Variants in FNBP1L observed in about 807,000 individuals in gnomAD.
The protein encoded by FNBP1L is formin-binding protein 1-like.
A neutral mutation model predicts 91.2 loss-of-function variants in FNBP1L; 36 were observed. The ratio of observed to expected loss-of-function variants is 0.39; its 90% confidence interval spans 0.30 to 0.52. FNBP1L has a LOEUF of 0.52. Ranked by LOEUF, FNBP1L falls within the 20% of genes least tolerant of loss-of-function variation. FNBP1L has a pLI of 0.66. For synonymous variants in FNBP1L, 242 were observed against 237.0 expected (o/e 1.02, Z -0.19); for missense variants, 571 against 732.1 (o/e 0.78, Z 2.54).
intron 1 of FNBP1L, among the ~76,000 whole-genome samples, chr1:93,463,571 C>T (rs1668971076): frequency 6.6e-6 from 1 of 152,176 alleles, no homozygotes; most frequent in East Asian, 1.9e-4. Context: ...CCACATCTAT[C>T]TTTCTAGCCT....
chr1:93,549,258 G>T lies in FNBP1L; in HGVS notation c.1503-20G>T, dbSNP rs1672330031. ...CTCATGTTTATGATACTTGATCAGA[G>T]ATAATTTTTTGTTTTATAGTCCTGA... On this transcript the variant is annotated intron_variant, in intron 14 of 16. Coordinates refer to ENST00000271234, the MANE Select transcript of FNBP1L (RefSeq NM_001164473.3). 7 of 1,589,434 alleles carry T rather than the reference G, an allele frequency of 4.4e-6. No homozygotes were observed. The highest frequency in any genetic ancestry group is 6.0e-6 in the Non-Finnish European group (7 of 1,170,116).
chr1:93,463,649 G>A (rs1322213872), intron 1 of FNBP1L, among the ~76,000 whole-genome samples: 7 of 151,960 alleles, frequency 4.6e-5, no homozygotes, highest in African/African-American at 1.5e-4. Context: ...TTGCTTAATC[G>A]TTTATTTCCA....
chr1:93,477,212 G>A (rs2101703937), intron 1 of FNBP1L, among the ~76,000 whole-genome samples: 1 of 152,328 alleles, frequency 6.6e-6, no homozygotes, highest in East Asian at 1.9e-4. Flanking sequence ...ATTGTAGCTT[G>A]GAGTAGAATG....
intron 1 of FNBP1L, among the ~76,000 whole-genome samples, chr1:93,469,182 C>T (rs1158780895): frequency 6.6e-6 from 1 of 151,946 alleles, no homozygotes; most frequent in Non-Finnish European, 1.5e-5. Context: ...GTTTGCTGCA[C>T]CCATCAACTT....
At chr1:93,501,772 C>T (rs967076389) in intron 2 of FNBP1L, among the ~76,000 whole-genome samples, 3 of 152,114 alleles carry the variant, frequency 2.0e-5, no homozygotes, top group African/African-American at 4.8e-5. Flanking sequence ...AAGAATGATC[C>T]TGCACCTTCA....
chr1:93,484,371 G>A (rs1398777122), intron 1 of FNBP1L, among the ~76,000 whole-genome samples: 1 of 152,196 alleles, frequency 6.6e-6, no homozygotes, highest in Non-Finnish European at 1.5e-5. Context: ...CTCAGAAAGG[G>A]AAAAGGGGAA....
intron 1 of FNBP1L, among the ~76,000 whole-genome samples, chr1:93,449,972 C>T (rs1323176704): frequency 6.6e-6 from 1 of 151,858 alleles, no homozygotes; most frequent in Non-Finnish European, 1.5e-5. Context: ...TAACTTTTGC[C>T]TACTTAAATG....
At chr1:93,492,676 C>A (rs989312570) in intron 1 of FNBP1L, among the ~76,000 whole-genome samples, 1 of 151,906 alleles carries the variant, frequency 6.6e-6, no homozygotes, top group Admixed American at 6.6e-5. Flanking sequence ...AGCAAGACCC[C>A]GTCTTTACAA....
At chr1:93,542,012 C>A (rs1246712278) in intron 11 of FNBP1L, among the ~76,000 whole-genome samples, 1 of 151,958 alleles carries the variant, frequency 6.6e-6, no homozygotes, top group East Asian at 1.9e-4. Context: ...CAAAAAAAAA[C>A]TCCACAGTAT....
intron 2 of FNBP1L, among the ~76,000 whole-genome samples, chr1:93,513,681 T>G (rs1316629514): frequency 6.6e-6 from 1 of 152,138 alleles, no homozygotes; most frequent in Non-Finnish European, 1.5e-5. Flanking sequence ...CATGATTATC[T>G]CAATAGATGC....
At chr1:93,538,571 C>T (rs1045960947) in intron 10 of FNBP1L, among the ~76,000 whole-genome samples, 11 of 151,850 alleles carry the variant, frequency 7.2e-5, no homozygotes, top group South Asian at 2.1e-4. Context: ...TTTTGATTAC[C>T]GTTTGGTATT....
chr1:93,537,421 A>G lies in FNBP1L; in HGVS notation c.1149+931A>G, dbSNP rs139928816. Among the ~76,000 whole-genome samples, 86 of 149,548 alleles carry G rather than the reference A, an allele frequency of 5.8e-4. 1 individual carries two copies. In the East Asian group the frequency reaches 0.014, roughly 24 times the overall value. ...CTCTTCTTACCCCTCCTTCCCTTCT[A>G]TTTTTCTTCCTTTCTGTCTTCACAT... On this transcript the variant is annotated intron_variant, in intron 10 of 16. Coordinates refer to ENST00000271234, the MANE Select transcript of FNBP1L (RefSeq NM_001164473.3).
intron 2 of FNBP1L, among the ~76,000 whole-genome samples, chr1:93,500,133 AT>A (rs1670396844): frequency 6.6e-6 from 1 of 152,208 alleles, no homozygotes; most frequent in South Asian, 2.1e-4. Flanking sequence ...GCTGGAACTT[AT>A]TCAGTAAAAA....
intron 2 of FNBP1L, among the ~76,000 whole-genome samples, chr1:93,518,314 C>T (rs1489781811): frequency 6.6e-6 from 1 of 152,132 alleles, no homozygotes; most frequent in Non-Finnish European, 1.5e-5. Context: ...GGTCTTTCCC[C>T]TTATGGTTTC....
intron 1 of FNBP1L, among the ~76,000 whole-genome samples, chr1:93,474,840 C>T (rs1339209454): frequency 6.6e-6 from 1 of 152,152 alleles, no homozygotes; most frequent in Non-Finnish European, 1.5e-5. Flanking sequence ...ACTTCTTCTG[C>T]CTCTTTTCAC....
At chr1:93,482,619 A>G (rs911776404) in intron 1 of FNBP1L, among the ~76,000 whole-genome samples, 1 of 152,198 alleles carries the variant, frequency 6.6e-6, no homozygotes, top group Non-Finnish European at 1.5e-5. Flanking sequence ...CAGGCCAGAC[A>G]CAGTGGCTCA....
At chr1:93,487,868 A>G (rs1669958984) in intron 1 of FNBP1L, among the ~76,000 whole-genome samples, 1 of 152,142 alleles carries the variant, frequency 6.6e-6, no homozygotes, top group South Asian at 2.1e-4. Context: ...TAATTTTTTT[A>G]TCGTGTATCT....
intron 1 of FNBP1L, among the ~76,000 whole-genome samples, chr1:93,459,977 G>GTGTGTT (rs1553207644): frequency 7.8e-6 from 1 of 128,268 alleles, no homozygotes; most frequent in Non-Finnish European, 1.8e-5. Context: ...GTGTGTGTGT[G>GTGTGTT]TTTTTGGGAT....
At chr1:93,448,478 C>A (rs1570749396) in intron 1 of FNBP1L, among the ~76,000 whole-genome samples, 173 bp downstream of exon 1, 1 of 152,188 alleles carries the variant, frequency 6.6e-6, no homozygotes, top group East Asian at 1.9e-4. Context: ...CCCTTCTCGG[C>A]CGGGGGTCTA....
Sources: gnomAD v4.1 joint callset for allele counts (sites outside exome capture counted in the v4.1 genomes callset) on GRCh38, gnomAD v4.1.1 for gene constraint, MANE v1.5 for transcripts, NCBI Gene and HGNC (gene_info 2026-07-23, HGNC 2026-07-21) for gene names.